Variants in RREB1 observed in about 807,000 individuals in gnomAD.
RREB1 encodes ras-responsive element-binding protein 1.
RREB1 carries 27 observed loss-of-function variants against 117.8 expected under a neutral mutation model. The observed-to-expected ratio is 0.23, with a 90% CI of 0.17 to 0.32. The LOEUF is 0.32. Ranked by LOEUF, RREB1 falls within the 10% of genes least tolerant of loss-of-function variation. The probability of loss-of-function intolerance (pLI) is 1.00; values close to 1 mark genes in which losing one functional copy is unlikely to be tolerated. For missense variants in RREB1, 2,577 were observed against 2,378.2 expected (o/e 1.08, Z -1.74); for synonymous variants, 1,298 against 1,026.7 (o/e 1.26, Z -5.05).
At chr6:7,223,561 C>CAAAAAA (rs368033890) in intron 8 of RREB1, among the ~76,000 whole-genome samples, 6 of 95,814 alleles carry the variant, frequency 6.3e-5, no homozygotes, top group Admixed American at 6.0e-4. Flanking sequence ...ACTCTTGTCT[C>CAAAAAA]AAAAAAAAAA....
At chr6:7,211,739 C>A in intron 8 of RREB1, 30 bp downstream of exon 8, 2 of 1,611,296 alleles carry the variant, frequency 1.2e-6, no homozygotes, top group South Asian at 2.2e-5. Context: ...AGACCTTGTT[C>A]ATTCCTGTTT....
chr6:7,110,479 G>GGTGTGTGTGTGTGT (rs111267508), intron 1 of RREB1, among the ~76,000 whole-genome samples: 63,991 of 149,432 alleles, frequency 0.43, 16,412 homozygotes, highest in Non-Finnish European at 0.59. Flanking sequence ...TTTTAGGGGT[G>GGTGTGTGTGTGTGT]GTGTGTGTGT....
chr6:7,224,944 G>A (rs1767492922), intron 8 of RREB1, among the ~76,000 whole-genome samples: 1 of 152,110 alleles, frequency 6.6e-6, no homozygotes, highest in Non-Finnish European at 1.5e-5. Context: ...CTGAACAGGG[G>A]AGCCAGGGGA....
At chr6:7,153,444 A>ACACACACACAC (rs1554118520) in intron 1 of RREB1, among the ~76,000 whole-genome samples, 28 of 151,788 alleles carry the variant, frequency 1.8e-4, no homozygotes, top group Admixed American at 6.6e-4. Flanking sequence ...ACACACACAC[A>ACACACACACAC]AATCCTCCAA....
In RREB1 at chr6:7,231,124, C is replaced by G. The variant is rs1165157140; in HGVS notation, c.3025C>G (p.Gln1009Glu). 6.2e-7 allele frequency: 1 copy of G among 1,612,856 alleles called. No homozygotes were observed. The highest frequency in any genetic ancestry group is 1.1e-5 in the South Asian group (1 of 91,070). The change falls in exon 10 of 13, where the codon CAG becomes GAG. Residue 1009 changes from glutamine (Q) to glutamate (E), a missense_variant. By Grantham distance (29) the Gln-to-Glu change is conservative (BLOSUM62 2). Transcript: ENST00000379938. ...CCCGGAACCCCCAGCACAGCCCCTG[C>G]AGGGCCCTGTTCAGCTGGCGGTCCC... is the stretch of plus-strand genomic sequence containing the variant. Reference protein sequence around the residue: ...ATPEPPAQPLQGPVQLAVPIY... With the variant: ...ATPEPPAQPLEGPVQLAVPIY...
intron 6 of RREB1, among the ~76,000 whole-genome samples, chr6:7,191,854 C>G (rs1307810190): frequency 6.6e-6 from 1 of 152,136 alleles, no homozygotes; most frequent in African/African-American, 2.4e-5. Flanking sequence ...GATTCCTTAT[C>G]CTATATCATG....
At chr6:7,159,818 A>G (rs1372776910) in intron 1 of RREB1, among the ~76,000 whole-genome samples, 1 of 152,168 alleles carries the variant, frequency 6.6e-6, no homozygotes, top group African/African-American at 2.4e-5. Flanking sequence ...TGGAAATCAT[A>G]GATTCTTTTG....
intron 6 of RREB1, among the ~76,000 whole-genome samples, chr6:7,206,725 A>G (rs1766294647): frequency 6.6e-6 from 1 of 152,338 alleles, no homozygotes; most frequent in South Asian, 2.1e-4. Context: ...GTGGGGCCTC[A>G]GGGAAGGCTT....
At position 7,231,780 on chromosome 6, in the gene RREB1, A is replaced by G; in HGVS notation, c.3681A>G (p.Pro1227=). ...GPSDEEQGSP[P]EDKLLRAKRN... ...GTGATGAAGAGCAGGGCAGTCCCCC[A>G]GAAGACAAGCTGCTGAGGGCCAAGC... The change falls in exon 10 of 13, where the codon CCA becomes CCG. Residue 1227 remains proline, a synonymous_variant. Coordinates refer to ENST00000379938, the MANE Select transcript of RREB1 (RefSeq NM_001003699.4). 2 of 1,613,798 alleles carry G rather than the reference A, an allele frequency of 1.2e-6. No homozygotes were observed. Among genetic ancestry groups the G allele is most frequent in the Non-Finnish European group, 1.7e-6 (2 of 1,180,012 alleles).
intron 1 of RREB1, among the ~76,000 whole-genome samples, chr6:7,173,794 A>G (rs1051775089): frequency 1.3e-5 from 2 of 151,970 alleles, no homozygotes; most frequent in Non-Finnish European, 2.9e-5. Context: ...AAAAAAAAAA[A>G]GGGAAAGAAA....
chr6:7,113,568 CG>C (rs778008671), intron 1 of RREB1, among the ~76,000 whole-genome samples: 6 of 152,118 alleles, frequency 3.9e-5, no homozygotes, highest in African/African-American at 1.4e-4. Context: ...TACAGCTGCG[CG>C]GTGGTCCACC....
rs1769426670 is a variant in RREB1, at chr6:7,251,978, G to C, written c.*3010G>C. On this transcript the variant is annotated 3_prime_UTR_variant, in exon 13 of 13. Coordinates refer to ENST00000379938, the MANE Select transcript of RREB1 (RefSeq NM_001003699.4). ...CAATAAATGTTATATTTTAAAAGCT[G>C]CAGATTGCCGGTCACGTGGCCGTCC... The C allele has an allele frequency of 6.6e-6, 1 of 152,244 alleles. No individual in the cohort carries two copies. Among genetic ancestry groups the C allele is most frequent in the Non-Finnish European group, 1.5e-5 (1 of 68,050 alleles). 9.4% of individuals were successfully genotyped at this position (152,244 alleles called of 1,614,324 possible). A position where few individuals can be genotyped will look rare whatever the true frequency, so the allele number is the denominator to read the frequency against.
At chr6:7,172,726 C>G (rs997843565) in intron 1 of RREB1, among the ~76,000 whole-genome samples, 6 of 152,020 alleles carry the variant, frequency 3.9e-5, no homozygotes, top group Admixed American at 1.3e-4. Flanking sequence ...GGTTGCCGCC[C>G]TATCCAAGGC....
At position 7,229,965 on chromosome 6, in the gene RREB1, A is replaced by G; in HGVS notation, c.1866A>G (p.Glu622=). The G allele has an allele frequency of 1.2e-6, 2 of 1,604,012 alleles. No individual in the cohort carries two copies. Among genetic ancestry groups the G allele is most frequent in the Non-Finnish European group, 1.7e-6 (2 of 1,173,058 alleles). The part of the protein sequence containing the change: ...AKIKQEITEG[E]LKAFMTAPGG... ...TCAAGCAGGAGATCACAGAGGGGGAACTCAAGGCCTTCATGACAGCGCCCG... is the reference window on the plus strand; with the variant it reads ...TCAAGCAGGAGATCACAGAGGGGGAGCTCAAGGCCTTCATGACAGCGCCCG... The change falls in exon 10 of 13, where the codon GAA becomes GAG. Residue 622 remains glutamate, a synonymous_variant. Transcript: ENST00000379938. This position sits in a 1 kb window ranked among gnomAD's most constrained non-coding sequence, Gnocchi z 4.5.
At chr6:7,182,568 G>A (rs1391670057) in intron 4 of RREB1, among the ~76,000 whole-genome samples, 1 of 151,832 alleles carries the variant, frequency 6.6e-6, no homozygotes, top group Non-Finnish European at 1.5e-5. Flanking sequence ...ATTTTCATTG[G>A]GCATCAGATC....
intron 1 of RREB1, chr6:7,108,585 C>CGAGA (rs1760953794): frequency 6.6e-6 from 1 of 152,422 alleles, no homozygotes; most frequent in South Asian, 2.1e-4. Context: ...CGCCCTCTCT[C>CGAGA]CCTCGACATC....
chr6:7,154,010 C>T (rs966900748), intron 1 of RREB1, among the ~76,000 whole-genome samples: 19 of 152,352 alleles, frequency 1.2e-4, no homozygotes, highest in African/African-American at 4.1e-4. Context: ...CTTGTGCTCA[C>T]AGCTCATTGG....
intron 8 of RREB1, chr6:7,217,476 T>G (rs1318321654): frequency 2.0e-5 from 3 of 152,066 alleles, no homozygotes; most frequent in Non-Finnish European, 4.4e-5. Flanking sequence ...GTCCAGGCAT[T>G]AAGGATGTGT....
At chr6:7,163,196 A>G (rs1271251060) in intron 1 of RREB1, among the ~76,000 whole-genome samples, 2 of 152,194 alleles carry the variant, frequency 1.3e-5, no homozygotes, top group African/African-American at 2.4e-5. Context: ...TTTTTCTCAC[A>G]TATTTACCGT....
Sources: allele counts gnomAD v4.1 joint callset (sites outside exome capture counted in the v4.1 genomes callset), GRCh38; gene constraint gnomAD v4.1.1; non-coding constraint Gnocchi (gnomAD v3.1); transcripts MANE v1.5; gene names NCBI Gene and HGNC (gene_info 2026-07-23, HGNC 2026-07-21).